Variants in COLGALT2 observed in about 807,000 individuals in gnomAD.
COLGALT2 encodes the protein collagen beta(1-O)galactosyltransferase 2.
COLGALT2 carries 49 observed loss-of-function variants against 73.4 expected under a neutral mutation model. The observed-to-expected ratio is 0.67, with a 90% CI of 0.53 to 0.85. The LOEUF (loss-of-function observed/expected upper bound fraction) is 0.85. Ranked by LOEUF, COLGALT2 falls within the 40% of genes least tolerant of loss-of-function variation. COLGALT2 has a pLI of 0.00. For synonymous variants in COLGALT2, 295 were observed against 307.6 expected (o/e 0.96, Z 0.43); for missense variants, 722 against 790.2 (o/e 0.91, Z 1.03).
chr1:183,941,054 G>A lies in COLGALT2; in HGVS notation c.1398-267C>T, dbSNP rs141209075. On this transcript the variant is annotated intron_variant, in intron 10 of 11. Coordinates refer to ENST00000361927, the MANE Select transcript of COLGALT2 (RefSeq NM_015101.4). ...TTTTCAAGACGGAAAGTAAGATGTC[G>A]TAAGATTAAAAGATCTTTCAGATCA... 6.8e-4 allele frequency among the ~76,000 whole-genome samples: 103 copies of A among 152,252 alleles called. 1 individual carries two copies. Among genetic ancestry groups the A allele is most frequent in the African/African-American group, 2.4e-3 (101 of 41,532 alleles).
chr1:184,034,096 C>T (rs1423201535), intron 1 of COLGALT2, among the ~76,000 whole-genome samples: 3 of 152,134 alleles, frequency 2.0e-5, no homozygotes, highest in Non-Finnish European at 2.9e-5. Context: ...GAGGTACCAC[C>T]TCCCATCAGA....
At chr1:184,029,494 T>C (rs1038282852) in intron 1 of COLGALT2, among the ~76,000 whole-genome samples, 6 of 152,152 alleles carry the variant, frequency 3.9e-5, no homozygotes, top group African/African-American at 1.4e-4. Flanking sequence ...TAACTGCAAG[T>C]GCACACAGTG....
chr1:183,991,703 G>A (rs1385093837), intron 1 of COLGALT2, among the ~76,000 whole-genome samples: 1 of 152,180 alleles, frequency 6.6e-6, no homozygotes, highest in Non-Finnish European at 1.5e-5. Flanking sequence ...GTGGGGGAAT[G>A]TTGCAGGAGA....
chr1:183,940,580 C>T lies in COLGALT2; in HGVS notation c.1604+1G>A, dbSNP rs776028862. 5.0e-6 allele frequency: 8 copies of T among 1,614,048 alleles called. No individual in the cohort carries two copies. In the South Asian group the frequency reaches 7.7e-5, roughly 16 times the overall value. ...AAGGCAGGCAGTTCAGGGAGACTCA[C>T]ACGGGATGCTTGTTGTACATGACTG... On this transcript the variant is annotated splice_donor_variant, in intron 11 of 11. Coordinates refer to ENST00000361927, the MANE Select transcript of COLGALT2 (RefSeq NM_015101.4). LOFTEE classifies it high-confidence loss of function.
chr1:183,954,106 T>G (rs990288326), intron 7 of COLGALT2, among the ~76,000 whole-genome samples: 9 of 152,218 alleles, frequency 5.9e-5, no homozygotes, highest in African/African-American at 1.9e-4. Flanking sequence ...GTCAGTGATG[T>G]GGAGTCACAA....
Position 183,940,724 on chromosome 1 carries a change from G to T in COLGALT2, c.1461C>A (p.Asn487Lys). ...EPEKAVPNVA[N>K]LVEADYSYWT... ...AGTAGGAATAGTCGGCTTCGACCAGGTTTGCCACATTGGGCACTGCTTTCT... is the reference window on the plus strand; with the variant it reads ...AGTAGGAATAGTCGGCTTCGACCAGTTTTGCCACATTGGGCACTGCTTTCT... Residue 487 changes from asparagine to lysine, a missense_variant, in exon 11 of 12, where the codon AAC (asparagine) becomes AAA (lysine). Asn to Lys is a moderately conservative substitution (Grantham distance 94). Transcript: ENST00000361927. The T allele has an allele frequency of 1.9e-6, 3 of 1,614,182 alleles. No homozygotes were observed. The highest frequency in any genetic ancestry group is 2.5e-6 in the Non-Finnish European group (3 of 1,180,040).
chr1:183,982,785 T>C (rs1173285979), intron 1 of COLGALT2, among the ~76,000 whole-genome samples: 2 of 152,120 alleles, frequency 1.3e-5, no homozygotes, highest in East Asian at 3.9e-4. Context: ...CTGGGCAACA[T>C]AGTGAGACCC....
chr1:183,990,500 A>G (rs1671602487), intron 1 of COLGALT2, among the ~76,000 whole-genome samples: 1 of 152,212 alleles, frequency 6.6e-6, no homozygotes, highest in East Asian at 1.9e-4. Flanking sequence ...GTGTAAATAA[A>G]TAACTGTAAT....
chr1:184,020,237 G>A (rs1649132482), intron 1 of COLGALT2, among the ~76,000 whole-genome samples: 1 of 152,210 alleles, frequency 6.6e-6, no homozygotes, highest in Non-Finnish European at 1.5e-5. Context: ...TGCAGAGGAT[G>A]TTAAGGTAGC....
intron 1 of COLGALT2, among the ~76,000 whole-genome samples, chr1:184,000,222 C>T (rs1273171025): frequency 6.6e-6 from 1 of 151,988 alleles, no homozygotes; most frequent in African/African-American, 2.4e-5. Flanking sequence ...TTTTTGGCCT[C>T]TATGTGTCTA....
intron 1 of COLGALT2, among the ~76,000 whole-genome samples, chr1:184,003,600 GC>G (rs1325340123): frequency 6.6e-6 from 1 of 152,148 alleles, no homozygotes; most frequent in East Asian, 1.9e-4. Flanking sequence ...CCCCTGCTGT[GC>G]CCTTTATGAA....
intron 1 of COLGALT2, among the ~76,000 whole-genome samples, chr1:184,005,903 T>A (rs1357951621): frequency 6.6e-6 from 1 of 152,114 alleles, no homozygotes; most frequent in Non-Finnish European, 1.5e-5. Flanking sequence ...GGTGGCAAAT[T>A]TTAATCTGTT....
At chr1:183,985,208 T>C (rs772372997) in intron 1 of COLGALT2, among the ~76,000 whole-genome samples, 1 of 152,214 alleles carries the variant, frequency 6.6e-6, no homozygotes, top group Non-Finnish European at 1.5e-5. Flanking sequence ...ACTGGAATCA[T>C]ATTAAAGATG....
downstream of COLGALT2, among the ~76,000 whole-genome samples, chr1:183,930,981 C>T (rs529958615): frequency 6.6e-6 from 1 of 152,308 alleles, no homozygotes; most frequent in African/African-American, 2.4e-5. Flanking sequence ...ACCCAGAAAC[C>T]TTTGTGGAAG....
intron 1 of COLGALT2, among the ~76,000 whole-genome samples, chr1:184,031,405 T>C (rs567354653): frequency 6.6e-6 from 1 of 152,302 alleles, no homozygotes; most frequent in East Asian, 1.9e-4. Flanking sequence ...TAGAGTTCAC[T>C]AAAAAGTGCC....
chr1:183,977,364 G>A (rs554485897), intron 2 of COLGALT2, among the ~76,000 whole-genome samples: 4 of 151,806 alleles, frequency 2.6e-5, no homozygotes, highest in Non-Finnish European at 5.9e-5. Context: ...CCAGCTACTC[G>A]GGAGGCTGAG....
At chr1:183,959,358 C>T (rs567882193) in intron 6 of COLGALT2, among the ~76,000 whole-genome samples, 2 of 152,328 alleles carry the variant, frequency 1.3e-5, no homozygotes, top group Admixed American at 6.5e-5. Flanking sequence ...TTCTGCCTTT[C>T]TATTTAGATG....
chr1:183,950,730 C>T (rs1248125028), intron 8 of COLGALT2, among the ~76,000 whole-genome samples: 2 of 152,186 alleles, frequency 1.3e-5, no homozygotes, highest in South Asian at 4.1e-4. Context: ...CTGAAAACCA[C>T]CACAACTGTT....
chr1:183,948,608 T>A (rs1359036237), intron 8 of COLGALT2, among the ~76,000 whole-genome samples: 1 of 152,160 alleles, frequency 6.6e-6, no homozygotes, highest in Non-Finnish European at 1.5e-5. Flanking sequence ...AACCCACAAT[T>A]AACATCATAC....
Sources: allele counts gnomAD v4.1 joint callset (sites outside exome capture counted in the v4.1 genomes callset), GRCh38; gene constraint gnomAD v4.1.1; transcripts MANE v1.5; gene names NCBI Gene and HGNC (gene_info 2026-07-23, HGNC 2026-07-21).